SMIM27: variants seen among roughly 807,000 people sequenced by gnomAD.
SMIM27 encodes TOPORS antisense RNA 1 (non-protein coding).
Under a neutral mutation model 1.8 loss-of-function variants are expected in SMIM27, and 3 were observed. That is an observed-to-expected ratio of 1.65 (90% CI 0.75 to 4.28). SMIM27 has a LOEUF of 4.28. Ranked by LOEUF, SMIM27 falls within the 30% of genes most tolerant of loss-of-function variation. SMIM27 has a pLI of 0.02. For missense variants in SMIM27, 63 were observed against 37.0 expected, an observed-to-expected ratio of 1.70 and a Z score of -1.83; for synonymous variants, 19 against 13.9, an observed-to-expected ratio of 1.37 and a Z score of -0.82.
At chr9:32,559,681 T>G (rs1477031893) in intron 1 of SMIM27, among the ~76,000 whole-genome samples, 4 of 152,216 alleles carry the variant, frequency 2.6e-5, no homozygotes, top group African/African-American at 9.6e-5. Context: ...CAAAGATCAC[T>G]TCCTCAGAGA....
At chr9:32,556,421 T>C (rs1053566563), downstream of SMIM27, among the ~76,000 whole-genome samples, 2 of 152,206 alleles carry the variant, frequency 1.3e-5, no homozygotes, top group African/African-American at 2.4e-5. Flanking sequence ...GGCTGTAAGA[T>C]TGAGGAAGAT....
chr9:32,558,714 A>G (rs990797987), intron 1 of SMIM27, among the ~76,000 whole-genome samples: 3 of 152,084 alleles, frequency 2.0e-5, no homozygotes, highest in African/African-American at 7.2e-5. Context: ...TCCCATTTGA[A>G]CTGTAATTGT....
chr9:32,558,525 A>AT (rs1263697237), intron 1 of SMIM27, among the ~76,000 whole-genome samples: 1 of 152,226 alleles, frequency 6.6e-6, no homozygotes, highest in Non-Finnish European at 1.5e-5. Flanking sequence ...TTTGGAATTA[A>AT]TAACAGAAAT....
upstream of SMIM27, chr9:32,552,246 C>G: frequency 1.4e-6 from 1 of 738,978 alleles, no homozygotes; most frequent in Non-Finnish European, 2.3e-6. Flanking sequence ...GGGCAAGGCC[C>G]CCGATCACGT....
At chr9:32,566,257 C>G (rs976992247) in intron 1 of SMIM27, 12 of 1,077,412 alleles carry the variant, frequency 1.1e-5, no homozygotes, top group Non-Finnish European at 1.7e-5. Flanking sequence ...GCAGACAACA[C>G]TAATTTTAGG....
intron 1 of SMIM27, among the ~76,000 whole-genome samples, chr9:32,563,676 A>G (rs1467070563): frequency 1.3e-5 from 2 of 151,964 alleles, no homozygotes. Context: ...TACTATGATG[A>G]TTCTCAAATG....
chr9:32,552,611 C>A, intron 1 of SMIM27, 132 bp downstream of exon 1: 2 of 785,482 alleles, frequency 2.5e-6, no homozygotes, highest in Admixed American at 2.0e-5. Flanking sequence ...CTCACCTCGA[C>A]TCCGCCTCTT....
At chr9:32,564,587 C>T (rs1206654382) in intron 1 of SMIM27, among the ~76,000 whole-genome samples, 1 of 151,998 alleles carries the variant, frequency 6.6e-6, no homozygotes, top group African/African-American at 2.4e-5. Flanking sequence ...TCATAAAATA[C>T]ATGATTTAGA....
chr9:32,552,343 T>C lies in SMIM27; in HGVS notation c.-92T>C. On this transcript the variant is annotated 5_prime_UTR_variant, in exon 1 of 2. An upstream start codon of the reference 5' UTR is lost. Transcript: ENST00000692500. ...CGGGCGCTCGTGCCCGGCTAAAAGATGGCTGCTGGCGCCTGGCAGCCACCG... is the reference window on the plus strand; with the variant it reads ...CGGGCGCTCGTGCCCGGCTAAAAGACGGCTGCTGGCGCCTGGCAGCCACCG... 6.5e-7 allele frequency: 1 copy of C among 1,548,474 alleles called. No homozygotes were observed. The highest frequency in any genetic ancestry group is 1.9e-5 in the Admixed American group (1 of 52,538).
intron 1 of SMIM27, chr9:32,566,057 C>T (rs893536214): frequency 2.4e-6 from 1 of 420,092 alleles, no homozygotes; most frequent in African/African-American, 2.3e-5. Flanking sequence ...TTTCCAGGAG[C>T]TACTGGAGTG....
chr9:32,557,668 G>A (rs966572324), downstream of SMIM27, among the ~76,000 whole-genome samples: 6 of 151,586 alleles, frequency 4.0e-5, no homozygotes, highest in Admixed American at 2.0e-4. Context: ...TAGTAGAGAC[G>A]GGGTTTCACC....
At chr9:32,561,326 TTTTC>T (rs1284272333) in intron 1 of SMIM27, among the ~76,000 whole-genome samples, 1 of 151,700 alleles carries the variant, frequency 6.6e-6, no homozygotes, top group Non-Finnish European at 1.5e-5. Flanking sequence ...AAATTCACTA[TTTTC>T]TTTTTTTTTT....
At chr9:32,551,427 A>G, upstream of SMIM27, 1 of 320,294 alleles carries the variant, frequency 3.1e-6, no homozygotes, top group South Asian at 2.6e-5. Context: ...ACCAGAGCCC[A>G]ACCAGTATCC....
intron 1 of SMIM27, among the ~76,000 whole-genome samples, chr9:32,562,872 C>A (rs557096791): frequency 6.6e-6 from 1 of 152,304 alleles, no homozygotes; most frequent in East Asian, 1.9e-4. Flanking sequence ...TGACTGCCAA[C>A]ACCGTCACTG....
exon 2 of SMIM27, chr9:32,566,755 C>T (rs1443191115): frequency 8.8e-6 from 8 of 912,904 alleles, no homozygotes; most frequent in South Asian, 5.2e-5. Context: ...GGGTCCTCAG[C>T]CCGGGTGTCG....
chr9:32,555,222 G>A (rs917769459), downstream of SMIM27, among the ~76,000 whole-genome samples: 1 of 152,200 alleles, frequency 6.6e-6, no homozygotes, highest in South Asian at 2.1e-4. Flanking sequence ...AAACCAGCCT[G>A]AGCAAGAGTA....
At chr9:32,564,719 A>C (rs1239702346) in intron 1 of SMIM27, among the ~76,000 whole-genome samples, 1 of 152,180 alleles carries the variant, frequency 6.6e-6, no homozygotes, top group Admixed American at 6.5e-5. Flanking sequence ...CATGAGCTCC[A>C]TATTATCTGA....
intron 1 of SMIM27, among the ~76,000 whole-genome samples, chr9:32,564,629 C>A (rs1426830074): frequency 6.6e-6 from 1 of 152,150 alleles, no homozygotes; most frequent in East Asian, 1.9e-4. Context: ...GTCCCACCCC[C>A]ATGTCCCCCA....
chr9:32,564,295 C>T (rs1268040489), intron 1 of SMIM27, among the ~76,000 whole-genome samples: 3 of 152,034 alleles, frequency 2.0e-5, no homozygotes, highest in East Asian at 1.9e-4. Context: ...AGTGAGAATC[C>T]TGTGTCCCTT....
Sources: allele counts gnomAD v4.1 joint callset (sites outside exome capture counted in the v4.1 genomes callset), GRCh38; gene constraint gnomAD v4.1.1; transcripts MANE v1.5; gene names NCBI Gene and HGNC (gene_info 2026-07-23, HGNC 2026-07-21).